Variants in SLC25A17 observed in about 807,000 individuals in gnomAD.
SLC25A17 encodes the protein solute carrier family 25 member 17.
Under a neutral mutation model 38.5 loss-of-function variants are expected in SLC25A17, and 26 were observed. The ratio of observed to expected loss-of-function variants is 0.68; its 90% CI spans 0.50 to 0.94. The LOEUF (loss-of-function observed/expected upper bound fraction) is 0.94. SLC25A17 is among the 40% of genes least tolerant of loss of function. SLC25A17 has a pLI of 0.00. For missense variants in SLC25A17, 333 were observed against 372.7 expected, an observed-to-expected ratio of 0.89 and a Z score of 0.88; for synonymous variants, 139 against 136.2, an observed-to-expected ratio of 1.02 and a Z score of -0.14.
chr22:40,776,161 G>T, intron 7 of SLC25A17: 4 of 317,662 alleles, frequency 1.3e-5, no homozygotes, highest in Admixed American at 4.7e-5. Flanking sequence ...TTTTCAATTT[G>T]TAATTACCTA....
intron 1 of SLC25A17, among the ~76,000 whole-genome samples, chr22:40,812,617 G>T (rs1381878920): frequency 1.3e-5 from 2 of 152,182 alleles, no homozygotes. Context: ...TCCAAAATCA[G>T]TTTCCAGAGG....
Position 40,777,396 on chromosome 22 carries a change from T to C in SLC25A17, c.452-23A>G, listed in dbSNP as rs749336271. On this transcript the variant is annotated intron_variant, in intron 5 of 8. Transcript: ENST00000435456. ...CATCTAAGCAAGAAATCAGGGACTTTTGAAAAGCATGATCACAATCCCCCA... is the reference window on the plus strand; with the variant it reads ...CATCTAAGCAAGAAATCAGGGACTTCTGAAAAGCATGATCACAATCCCCCA... The C allele has an allele frequency of 2.5e-6, 4 of 1,602,416 alleles. No individual in the cohort carries two copies. The African/African-American group carries it at 4.0e-5, about 16-fold the overall frequency.
chr22:40,791,736 AAAGT>A (rs1291361262), intron 4 of SLC25A17, among the ~76,000 whole-genome samples: 5 of 152,196 alleles, frequency 3.3e-5, no homozygotes, highest in Non-Finnish European at 7.3e-5. Flanking sequence ...CATAAAACAG[AAAGT>A]AAGTGTTAGT....
In SLC25A17 at chr22:40,819,275, A is replaced by T; in HGVS notation, c.-27T>A. 1 of 1,613,444 alleles carries T rather than the reference A, an allele frequency of 6.2e-7. No homozygotes were observed. Among genetic ancestry groups the T allele is most frequent in the Non-Finnish European group, 8.5e-7 (1 of 1,179,618 alleles). On this transcript the variant is annotated 5_prime_UTR_variant, in exon 1 of 9. Coordinates refer to ENST00000435456, the MANE Select transcript of SLC25A17 (RefSeq NM_006358.4). ...GGTGCGGCTCCTCGAAGACCCAGCC[A>T]CACTTTTCCCACAGATGCCGCAGCC...
intron 7 of SLC25A17, among the ~76,000 whole-genome samples, chr22:40,775,813 G>A (rs1453047891): frequency 6.6e-6 from 1 of 152,120 alleles, no homozygotes; most frequent in African/African-American, 2.4e-5. Context: ...CCTTGCTGCC[G>A]CCATGTGAAG....
intron 1 of SLC25A17, among the ~76,000 whole-genome samples, chr22:40,800,837 C>T (rs1368742366): frequency 1.3e-5 from 2 of 148,842 alleles, no homozygotes; most frequent in East Asian, 2.0e-4. Flanking sequence ...TGATGGCTCA[C>T]GCCTGTAATC....
intron 4 of SLC25A17, among the ~76,000 whole-genome samples, chr22:40,791,605 G>T (rs952950557): frequency 2.6e-5 from 4 of 152,118 alleles, no homozygotes; most frequent in Non-Finnish European, 4.4e-5. Flanking sequence ...TTTCTGCAAA[G>T]ATAATATACA....
intron 1 of SLC25A17, among the ~76,000 whole-genome samples, chr22:40,816,371 T>G (rs1012062089): frequency 1.3e-5 from 2 of 152,234 alleles, no homozygotes; most frequent in Admixed American, 6.5e-5. Flanking sequence ...TCCAATCTAA[T>G]ATCTGTTTTT....
intron 8 of SLC25A17, among the ~76,000 whole-genome samples, chr22:40,772,420 T>A (rs1334356576): frequency 6.6e-6 from 1 of 152,160 alleles, no homozygotes; most frequent in Non-Finnish European, 1.5e-5. Flanking sequence ...TCCTTCCACC[T>A]CAGCCTCCTG....
At chr22:40,793,283 A>T (rs1398307215) in intron 3 of SLC25A17, among the ~76,000 whole-genome samples, 2 of 152,226 alleles carry the variant, frequency 1.3e-5, no homozygotes, top group African/African-American at 2.4e-5. Flanking sequence ...CTGTAGAGGC[A>T]ATGCTGGAGT....
chr22:40,780,158 A>C (rs1203198982), intron 4 of SLC25A17: 1 of 152,246 alleles, frequency 6.6e-6, no homozygotes, highest in East Asian at 1.9e-4. Flanking sequence ...ATCTCAAAAT[A>C]TTATATATAG....
At position 40,789,116 on chromosome 22, in the gene SLC25A17, T is replaced by C; in HGVS notation, c.334+3409A>G. 3.7e-6 allele frequency: 1 copy of C among 272,228 alleles called. No homozygotes were observed. Among genetic ancestry groups the C allele is most frequent in the African/African-American group, 2.3e-5 (1 of 44,028 alleles). 16.9% of individuals were successfully genotyped at this position (272,228 alleles called of 1,614,324 possible). A position where few individuals can be genotyped will look rare whatever the true frequency, so the allele number is the denominator to read the frequency against. On this transcript the variant is annotated intron_variant, in intron 4 of 8. Transcript: ENST00000435456. The surrounding 1 kb of genome is among the most constrained non-coding windows in gnomAD (Gnocchi z 4.5). ...CTGGCCCAACCATAATAAATGCCAC[T>C]GGATATATCGGCTGGCAGATTATCT...
At chr22:40,772,770 G>A (rs1351144904) in intron 8 of SLC25A17, among the ~76,000 whole-genome samples, 2 of 151,854 alleles carry the variant, frequency 1.3e-5, no homozygotes, top group Non-Finnish European at 2.9e-5. Flanking sequence ...GTGTGTAGCT[G>A]TGATTACAGG....
chr22:40,790,340 C>CAAAAAAAAAAAAAAAAA (rs138301), intron 4 of SLC25A17, among the ~76,000 whole-genome samples: 1 of 61,208 alleles, frequency 1.6e-5, no homozygotes. Flanking sequence ...GACACAATCT[C>CAAAAAAAAAAAAAAAAA]AAAAAAAAAA....
chr22:40,777,370 G>A lies in SLC25A17; in HGVS notation c.455C>T (p.Ala152Val), dbSNP rs748129791. The change falls in exon 6 of 9, where the codon GCT becomes GTT. Residue 152 changes from alanine (A) to valine (V), a missense_variant. Transcript: ENST00000435456. ...TTCATCGCGAATGATCTGATGAAAA[G>A]CATCTAAGCAAGAAATCAGGGACTT... ...VPTNYKGIID[A>V]FHQIIRDEGI... 1.9e-6 allele frequency: 3 copies of A among 1,608,916 alleles called. No individual in the cohort carries two copies. The highest frequency in any genetic ancestry group is 2.5e-6 in the Non-Finnish European group (3 of 1,177,842).
intron 7 of SLC25A17, chr22:40,776,068 C>T: frequency 3.7e-6 from 1 of 273,582 alleles, no homozygotes; most frequent in South Asian, 3.6e-5. Context: ...TATTCCTTCT[C>T]AAAGAAGCCC....
At chr22:40,773,233 C>A (rs1218568491) in intron 8 of SLC25A17, among the ~76,000 whole-genome samples, 1 of 151,934 alleles carries the variant, frequency 6.6e-6, no homozygotes, top group Non-Finnish European at 1.5e-5. Context: ...CACAGTGAAA[C>A]CCCATCTCTA....
Position 40,770,689 on chromosome 22 carries a change from T to G in SLC25A17, c.*145A>C. On this transcript the variant is annotated 3_prime_UTR_variant, in exon 9 of 9. Coordinates refer to ENST00000435456, the MANE Select transcript of SLC25A17 (RefSeq NM_006358.4). ...TGACAACAGGTCCAGTTGGCCATAC[T>G]CCCTGTGCACCCTTGGATGCTTTTC... 1 of 743,756 alleles carries G rather than the reference T, an allele frequency of 1.3e-6. No individual in the cohort carries two copies. Among genetic ancestry groups the G allele is most frequent in the Middle Eastern group, 4.4e-4 (1 of 2,266 alleles). 46.1% of individuals were successfully genotyped at this position (743,756 alleles called of 1,614,324 possible). A position where few individuals can be genotyped will look rare whatever the true frequency, so the allele number is the denominator to read the frequency against.
intron 4 of SLC25A17, among the ~76,000 whole-genome samples, chr22:40,786,389 TGGAGA>T (rs1203972269): frequency 6.6e-6 from 1 of 151,644 alleles, no homozygotes; most frequent in Non-Finnish European, 1.5e-5. Flanking sequence ...GAGGTGGTGG[TGGAGA>T]GGAAAGTACG....
Sources: allele counts gnomAD v4.1 joint callset (sites outside exome capture counted in the v4.1 genomes callset), GRCh38; gene constraint gnomAD v4.1.1; non-coding constraint Gnocchi (gnomAD v3.1); transcripts MANE v1.5; gene names NCBI Gene and HGNC (gene_info 2026-07-23, HGNC 2026-07-21).